The following GOLGB1 variants were observed in gnomAD, a reference collection of about 807,000 sequenced individuals.
GOLGB1 encodes the protein golgin subfamily B member 1.
Under a neutral mutation model 336.9 loss-of-function variants are expected in GOLGB1, and 174 were observed. That is an observed-to-expected ratio of 0.52 (90% CI 0.46 to 0.59). The LOEUF is 0.59. GOLGB1 is among the 20% of genes least tolerant of loss of function. The pLI is 0.00. For missense variants in GOLGB1, 3,331 were observed against 3,645.3 expected (o/e 0.91, Z 2.22); for synonymous variants, 1,208 against 1,289.2 (o/e 0.94, Z 1.35).
chr3:121,675,939 G>C (rs763044286), intron 17 of GOLGB1, among the ~76,000 whole-genome samples: 20 of 152,172 alleles, frequency 1.3e-4, no homozygotes, highest in Non-Finnish European at 2.6e-4. Flanking sequence ...AAAGAGACAG[G>C]CTAGAGCTGT....
intron 8 of GOLGB1, among the ~76,000 whole-genome samples, chr3:121,717,862 A>G (rs1171849416): frequency 1.3e-5 from 2 of 152,222 alleles, no homozygotes; most frequent in Non-Finnish European, 2.9e-5. Flanking sequence ...AATATCTTGG[A>G]TATCTTGGGA....
At chr3:121,730,996 A>G (rs559084170) in intron 1 of GOLGB1, 23 bp from the exon 2 acceptor site, 52 of 1,603,516 alleles carry the variant, frequency 3.2e-5, no homozygotes, top group African/African-American at 2.7e-4. Flanking sequence ...AAGGGGGGAA[A>G]AAACCTAAGA....
chr3:121,688,294 T>C (rs1941982064), intron 14 of GOLGB1, among the ~76,000 whole-genome samples: 1 of 152,232 alleles, frequency 6.6e-6, no homozygotes, highest in Non-Finnish European at 1.5e-5. Flanking sequence ...TCCCTGATTC[T>C]TCTGCCTCAG....
At chr3:121,699,055 C>G in intron 12 of GOLGB1, 126 bp from the exon 13 acceptor site, 8 of 657,576 alleles carry the variant, frequency 1.2e-5, no homozygotes, top group South Asian at 2.2e-5. Context: ...CTTCTTTGTA[C>G]CATAACACTG....
In GOLGB1 at chr3:121,664,944, T is replaced by G. The variant is rs1383255010; in HGVS notation, c.9642A>C (p.Thr3214=). 2 of 1,595,150 alleles carry G rather than the reference T, an allele frequency of 1.3e-6. No individual in the cohort carries two copies. The highest frequency in any genetic ancestry group is 1.7e-6 in the Non-Finnish European group (2 of 1,162,776). Residue 3214 remains threonine, a synonymous_variant, in exon 21 of 22, where the codon ACA becomes ACC. Transcript: ENST00000614479. ...TQEQALLIDL[T]SNSCRRTRSG... Reference sequence around the variant, plus strand: ...CTCTTACCCTTCGACAACTGTTGCTTGTAAGATCTATTAACAGTGCCTGCT... The same window carrying G: ...CTCTTACCCTTCGACAACTGTTGCTGGTAAGATCTATTAACAGTGCCTGCT...
At chr3:121,737,510 G>T (rs1414018809) in intron 1 of GOLGB1, among the ~76,000 whole-genome samples, 1 of 152,048 alleles carries the variant, frequency 6.6e-6, no homozygotes, top group Non-Finnish European at 1.5e-5. Context: ...AATTAGCCGG[G>T]TGTGGTGGCA....
Position 121,693,972 on chromosome 3 carries a change from T to C in GOLGB1, c.6551A>G (p.Asn2184Ser), listed in dbSNP as rs1346166126. ...AAGCTGGGTCACAGTACTGTCCAAG[T>C]TTTCCTGAAGTTGCTGAACTTCCTT... ...KDKEVQQLQENLDSTVTQLAA... is the reference protein window; with the variant it reads ...KDKEVQQLQESLDSTVTQLAA... The change falls in exon 13 of 22, where the codon AAC becomes AGC. Residue 2184 changes from asparagine (N) to serine (S), a missense_variant. Transcript: ENST00000614479. The C allele has an allele frequency of 1.2e-6, 2 of 1,614,144 alleles. No individual in the cohort carries two copies. Among genetic ancestry groups the C allele is most frequent in the South Asian group, 1.1e-5 (1 of 91,074 alleles).
At chr3:121,721,369 G>T (rs1041736350) in intron 6 of GOLGB1, among the ~76,000 whole-genome samples, 4 of 152,106 alleles carry the variant, frequency 2.6e-5, no homozygotes, top group Non-Finnish European at 5.9e-5. Flanking sequence ...TACAGTGCCT[G>T]TAATCCCAGC....
At chr3:121,725,863 C>A (rs1945548565) in intron 5 of GOLGB1, among the ~76,000 whole-genome samples, 1 of 152,060 alleles carries the variant, frequency 6.6e-6, no homozygotes, top group Admixed American at 6.5e-5. Context: ...TCAGCCCCCT[C>A]ACTATGTGAT....
rs572563363 is a variant in GOLGB1, at chr3:121,687,038, C to T, written c.8694+3632G>A. ...CCTGTAATTCCAGCACTTTGGGAGC[C>T]GAGGCAGGTGGATCACTTGAGACCA... On this transcript the variant is annotated intron_variant, in intron 14 of 21. Coordinates refer to ENST00000614479, the MANE Select transcript of GOLGB1 (RefSeq NM_001366282.2). 2.4e-4 allele frequency among the ~76,000 whole-genome samples: 37 copies of T among 152,156 alleles called. 1 individual carries two copies. Among genetic ancestry groups the T allele is most frequent in the Non-Finnish European group, 4.9e-4 (33 of 67,996 alleles).
chr3:121,702,525 A>G lies in GOLGB1; in HGVS notation c.1475T>C (p.Leu492Ser), dbSNP rs1943493771. 2 of 1,550,662 alleles carry G rather than the reference A, an allele frequency of 1.3e-6. No homozygotes were observed. The highest frequency in any genetic ancestry group is 1.7e-6 in the Non-Finnish European group (2 of 1,149,766). Residue 492 changes from leucine to serine, a missense_variant, in exon 11 of 22, where the codon TTG (leucine) becomes TCG (serine). Physicochemically the swap from Leu to Ser is moderately radical, Grantham distance 145. Coordinates refer to ENST00000614479, the MANE Select transcript of GOLGB1 (RefSeq NM_001366282.2). ...CTCCAGCTCTATAGAACTAAGGAGCAAGGCTCCCTTTTCATTCTCTAGTTC... is the reference window on the plus strand; with the variant it reads ...CTCCAGCTCTATAGAACTAAGGAGCGAGGCTCCCTTTTCATTCTCTAGTTC... ...VVELENEKGA[L>S]LLSSIELEEL...
Position 121,698,944 on chromosome 3 carries a change from G to GA in GOLGB1, c.1594-16dup, listed in dbSNP as rs750315375. On this transcript the variant is annotated splice_polypyrimidine_tract_variant and intron_variant, in intron 12 of 21. Transcript: ENST00000614479. ...ACAATGCTGATCTATTTTTAAAAAA[G>GA]AAAAAAAAAGCTGTAATCAAATGTT... 5.9e-4 allele frequency: 851 copies of GA among 1,435,880 alleles called. No individual in the cohort carries two copies. The highest frequency in any genetic ancestry group is 8.9e-4 in the South Asian group (57 of 64,214). The allele number at this position is 1,435,880 out of a possible 1,614,324, so 88.9% of individuals were successfully genotyped here.
chr3:121,745,060 A>C (rs181209862), intron 1 of GOLGB1, among the ~76,000 whole-genome samples: 54 of 152,302 alleles, frequency 3.5e-4, no homozygotes, highest in Admixed American at 5.9e-4. Flanking sequence ...TGTAAATGGA[A>C]GGGCATCTCA....
intron 10 of GOLGB1, among the ~76,000 whole-genome samples, chr3:121,711,234 A>T (rs1944339135): frequency 6.6e-6 from 1 of 152,164 alleles, no homozygotes; most frequent in Non-Finnish European, 1.5e-5. Context: ...GATTGCTACA[A>T]CTAGACATTT....
intron 6 of GOLGB1, 57 bp from the exon 7 acceptor site, chr3:121,719,825 TA>T: frequency 6.9e-7 from 1 of 1,451,410 alleles, no homozygotes; most frequent in Non-Finnish European, 9.2e-7. Context: ...ATTGCACAAA[TA>T]AAACTCACAG....
chr3:121,664,185 C>T lies in GOLGB1; in HGVS notation c.*295G>A. On this transcript the variant is annotated 3_prime_UTR_variant, in exon 22 of 22. Transcript: ENST00000614479. ...TTCCTCAGTATCTTTTACAGGACCA[C>T]AAAAGATCAGGGTCCTGCAAAATCT... The T allele has an allele frequency of 2.8e-6, 1 of 358,294 alleles. No homozygotes were observed. 22.2% of individuals were successfully genotyped at this position (358,294 alleles called of 1,614,324 possible). A position where few individuals can be genotyped will look rare whatever the true frequency, so the allele number is the denominator to read the frequency against.
intron 17 of GOLGB1, among the ~76,000 whole-genome samples, chr3:121,669,911 T>C (rs1378682197): frequency 6.6e-6 from 1 of 152,204 alleles, no homozygotes; most frequent in Non-Finnish European, 1.5e-5. Context: ...TATATGTATA[T>C]GTCAGAAACT....
At chr3:121,715,344 A>G (rs1944672309) in intron 9 of GOLGB1, among the ~76,000 whole-genome samples, 1 of 150,990 alleles carries the variant, frequency 6.6e-6, no homozygotes, top group Non-Finnish European at 1.5e-5. Context: ...CCAGGATTAC[A>G]GGCATGCGTC....
Position 121,690,800 on chromosome 3 carries a change from T to C in GOLGB1, c.8564A>G (p.Asn2855Ser). ...TGACTTTCGAAATTTCTCCAGCTCA[T>C]TCCACAGGTGATCTCTCTCATTCTG... ...SLQNERDHLWNELEKFRKSEE... is the reference protein window; with the variant it reads ...SLQNERDHLWSELEKFRKSEE... The change falls in exon 14 of 22, where the codon AAT becomes AGT. Residue 2855 changes from asparagine to serine, a missense_variant. By Grantham distance (46) the Asn-to-Ser change is conservative. Transcript: ENST00000614479. 6.2e-7 allele frequency: 1 copy of C among 1,605,470 alleles called. No individual in the cohort carries two copies. The highest frequency in any genetic ancestry group is 8.5e-7 in the Non-Finnish European group (1 of 1,176,226).
Sources: allele counts gnomAD v4.1 joint callset (sites outside exome capture counted in the v4.1 genomes callset), GRCh38; gene constraint gnomAD v4.1.1; transcripts MANE v1.5; gene names NCBI Gene and HGNC (gene_info 2026-07-23, HGNC 2026-07-21).